Variants in SUMF1 observed in about 807,000 individuals in gnomAD.
The protein encoded by SUMF1 is formylglycine-generating enzyme.
SUMF1 carries 48 observed loss-of-function variants against 47.6 expected under a neutral mutation model. That is an observed-to-expected ratio of 1.01 (90% confidence interval 0.80 to 1.28). The LOEUF (loss-of-function observed/expected upper bound fraction) is 1.28. Among genes scored for constraint, SUMF1 ranks in the 50% most tolerant of loss-of-function variants. The probability of loss-of-function intolerance (pLI) is 0.00; values close to 1 mark genes in which losing one functional copy is unlikely to be tolerated. For synonymous variants in SUMF1, 230 were observed against 192.1 expected (o/e 1.20, Z -1.63); for missense variants, 571 against 485.4 (o/e 1.18, Z -1.66).
chr3:4,061,205 G>A (rs1393345672), intron 9 of SUMF1, among the ~76,000 whole-genome samples: 1 of 152,084 alleles, frequency 6.6e-6, no homozygotes, highest in Non-Finnish European at 1.5e-5. Context: ...TGATGTTTAT[G>A]GTTTCTTTTG....
rs182873250 is a variant in SUMF1, at chr3:4,044,557, A to T, written c.1191+24012T>A. Reference sequence around the variant, plus strand: ...CACAGGTACAAATTATCCATGCTCAATTAAAGAAAGATGAAAGTTCAGCTT... The same window carrying T: ...CACAGGTACAAATTATCCATGCTCATTTAAAGAAAGATGAAAGTTCAGCTT... On this transcript the variant is annotated intron_variant and NMD_transcript_variant, in intron 9 of 12. Transcript: ENST00000448413. 1.8e-4 allele frequency among the ~76,000 whole-genome samples: 28 copies of T among 152,372 alleles called. 1 individual carries two copies. The highest frequency in any genetic ancestry group is 6.5e-4 in the African/African-American group (27 of 41,594).
At position 4,118,018 on chromosome 3, in the gene SUMF1, T is replaced by C. The variant is rs533814474; in HGVS notation, c.1015-49273A>G. On this transcript the variant is annotated intron_variant and NMD_transcript_variant, in intron 8 of 12. Coordinates refer to the SUMF1 transcript ENST00000448413. ...GTGTCTTTGAAGCAGGATTCTCAGC[T>C]TGAACCTAAGCTGTGTCCACCCTTA... Among the ~76,000 whole-genome samples the C allele has an allele frequency of 7.9e-5, 12 of 152,132 alleles. No individual in the cohort carries two copies. In the East Asian group the frequency reaches 2.3e-3, roughly 29 times the overall value.
rs951490838 is a variant in SUMF1 at position 4,101,525 on chromosome 3, T to C, written c.1015-32780A>G. Among the ~76,000 whole-genome samples the C allele has an allele frequency of 2.5e-4, 38 of 152,100 alleles. 1 individual carries two copies. The highest frequency in any genetic ancestry group is 8.7e-4 in the African/African-American group (36 of 41,380). On this transcript the variant is annotated intron_variant and NMD_transcript_variant, in intron 8 of 12. Transcript: ENST00000448413. ...TGGGCAGGGAAAGGTGAGAGCTTGGTCAACAGACACAAAGTTACAATTAGA... is the reference window on the plus strand; with the variant it reads ...TGGGCAGGGAAAGGTGAGAGCTTGGCCAACAGACACAAAGTTACAATTAGA...
intron 8 of SUMF1, among the ~76,000 whole-genome samples, chr3:4,114,603 G>GT (rs143343892): frequency 0.05 from 7,625 of 152,126 alleles, 523 homozygotes; most frequent in East Asian, 0.16. Flanking sequence ...AATGAGACCC[G>GT]TATCAGGTTA....
intron 8 of SUMF1, among the ~76,000 whole-genome samples, chr3:4,226,249 GTTTTTTTTTTGTTTCTTTTT>G (rs1696169998): frequency 1.6e-5 from 2 of 125,434 alleles, no homozygotes; most frequent in Admixed American, 1.6e-4. Flanking sequence ...CATGATTATT[GTTTTTTTTTTGTTTCTTTTT>G]TTTTTTTTTT....
At chr3:4,408,781 G>A (rs920871484) in intron 7 of SUMF1, among the ~76,000 whole-genome samples, 1 of 152,026 alleles carries the variant, frequency 6.6e-6, no homozygotes, top group African/African-American at 2.4e-5. Flanking sequence ...GACCAGTCTG[G>A]CCAAAATGGC....
At chr3:4,185,950 G>A (rs998550373) in intron 8 of SUMF1, among the ~76,000 whole-genome samples, 5 of 152,272 alleles carry the variant, frequency 3.3e-5, no homozygotes, top group African/African-American at 1.2e-4. Context: ...CACACTGGAA[G>A]TACCAGAAGC....
chr3:4,318,048 AGG>A (rs1466935227), intron 8 of SUMF1, among the ~76,000 whole-genome samples: 1 of 152,152 alleles, frequency 6.6e-6, no homozygotes, highest in African/African-American at 2.4e-5. Context: ...AGAGTGCCTA[AGG>A]TTACATACAT....
At chr3:4,037,874 T>G (rs565830296) in intron 9 of SUMF1, among the ~76,000 whole-genome samples, 1 of 152,188 alleles carries the variant, frequency 6.6e-6, no homozygotes, top group Non-Finnish European at 1.5e-5. Context: ...CGCAGGGTCT[T>G]TATTTGTAAC....
At chr3:4,411,116 A>T (rs914669950) in intron 6 of SUMF1, 138 bp from the exon 7 acceptor site, 2 of 813,590 alleles carry the variant, frequency 2.5e-6, no homozygotes, top group Admixed American at 4.0e-5. Context: ...GTACAATTTG[A>T]CCAACATAAA....
At chr3:4,375,388 A>G (rs1383459514) in intron 8 of SUMF1, among the ~76,000 whole-genome samples, 1 of 152,172 alleles carries the variant, frequency 6.6e-6, no homozygotes, top group Non-Finnish European at 1.5e-5. Flanking sequence ...GGAGAGCTTT[A>G]AAAAATGCAA....
chr3:4,367,057 T>C (rs1699990367), intron 8 of SUMF1, among the ~76,000 whole-genome samples: 1 of 152,166 alleles, frequency 6.6e-6, no homozygotes, highest in Non-Finnish European at 1.5e-5. Flanking sequence ...CGAATGCTGC[T>C]GTCTGATTGT....
At position 4,265,308 on chromosome 3, in the gene SUMF1, T is replaced by A. The variant is rs76261737; in HGVS notation, c.1014+111022A>T. 5.9e-3 allele frequency among the ~76,000 whole-genome samples: 904 copies of A among 152,262 alleles called. 6 individuals are homozygous for A. The highest frequency in any genetic ancestry group is 0.02 in the Middle Eastern group (6 of 294). On this transcript the variant is annotated intron_variant and NMD_transcript_variant, in intron 8 of 12. Transcript: ENST00000448413. ...TCTTAAAGATAATGTAGCCAAACCTTTAGCTTAGAGATCACAAACTTGTAG... is the reference window on the plus strand; with the variant it reads ...TCTTAAAGATAATGTAGCCAAACCTATAGCTTAGAGATCACAAACTTGTAG...
chr3:4,333,070 T>C (rs995073961), intron 8 of SUMF1, among the ~76,000 whole-genome samples: 2 of 152,126 alleles, frequency 1.3e-5, no homozygotes, highest in Non-Finnish European at 2.9e-5. Context: ...GAGAGCCACC[T>C]CCAACCCTAA....
chr3:4,302,401 A>C (rs1194139360), intron 8 of SUMF1, among the ~76,000 whole-genome samples: 1 of 152,160 alleles, frequency 6.6e-6, no homozygotes, highest in Non-Finnish European at 1.5e-5. Flanking sequence ...AATCAATAGA[A>C]ACGAATGTCT....
chr3:4,450,158 G>A (rs1702920461), intron 2 of SUMF1, among the ~76,000 whole-genome samples: 1 of 152,134 alleles, frequency 6.6e-6, no homozygotes, highest in Admixed American at 6.5e-5. Flanking sequence ...TTCTCATTCT[G>A]GGGGTCTAGG....
chr3:4,373,714 C>T (rs1259275049), intron 8 of SUMF1, among the ~76,000 whole-genome samples: 3 of 152,036 alleles, frequency 2.0e-5, no homozygotes, highest in African/African-American at 4.8e-5. Flanking sequence ...ATGAAGTCAG[C>T]AATACCCTGA....
chr3:4,461,752 T>C (rs1201050162), intron 1 of SUMF1, among the ~76,000 whole-genome samples: 5 of 152,174 alleles, frequency 3.3e-5, no homozygotes, highest in African/African-American at 1.2e-4. Context: ...AATTTCTCAT[T>C]TATACTAATG....
intron 9 of SUMF1, among the ~76,000 whole-genome samples, chr3:4,041,749 A>T (rs1694910976): frequency 6.6e-6 from 1 of 152,196 alleles, no homozygotes; most frequent in African/African-American, 2.4e-5. Flanking sequence ...AGGTAACTCC[A>T]ATTTGTTGCT....
Sources: gnomAD v4.1 joint callset for allele counts (sites outside exome capture counted in the v4.1 genomes callset) on GRCh38, gnomAD v4.1.1 for gene constraint, MANE v1.5 for transcripts, NCBI Gene and HGNC (gene_info 2026-07-23, HGNC 2026-07-21) for gene names.